Variants in BCAS4 observed in about 807,000 individuals in gnomAD.
BCAS4 encodes breast carcinoma amplified sequence 4.
A neutral mutation model predicts 15.7 loss-of-function variants in BCAS4; 9 were observed. The observed-to-expected ratio is 0.57, with a 90% CI of 0.34 to 1.00. The LOEUF (loss-of-function observed/expected upper bound fraction) is 1.00, where lower values mean the gene tolerates loss of function less well. BCAS4 is among the 50% of genes least tolerant of loss of function. BCAS4 has a pLI of 0.02. For synonymous variants in BCAS4, 101 were observed against 99.5 expected (o/e 1.02, Z -0.09); for missense variants, 225 against 239.1 (o/e 0.94, Z 0.39).
intron 4 of BCAS4, among the ~76,000 whole-genome samples, chr20:50,856,991 T>C (rs998613089): frequency 4.6e-5 from 7 of 152,260 alleles, no homozygotes; most frequent in Non-Finnish European, 8.8e-5. Flanking sequence ...ATTTTGAAAC[T>C]GAATGCATTT....
At chr20:50,800,282 G>A (rs2087911779) in intron 1 of BCAS4, among the ~76,000 whole-genome samples, 2 of 152,024 alleles carry the variant, frequency 1.3e-5, no homozygotes, top group Admixed American at 1.3e-4. Context: ...AATATCCCAG[G>A]CAGAGAGAAC....
intron 4 of BCAS4, among the ~76,000 whole-genome samples, chr20:50,850,626 G>T (rs1479658651): frequency 6.6e-6 from 1 of 152,166 alleles, no homozygotes; most frequent in African/African-American, 2.4e-5. Context: ...ATTTGGGGGG[G>T]TTGCTCTTTG....
intron 3 of BCAS4, among the ~76,000 whole-genome samples, chr20:50,837,457 G>T (rs549477901): frequency 6.6e-6 from 1 of 152,262 alleles, no homozygotes; most frequent in South Asian, 2.1e-4. Context: ...CTCAGTACTT[G>T]CCAATATATT....
intron 4 of BCAS4, among the ~76,000 whole-genome samples, chr20:50,852,672 G>A (rs187793569): frequency 2.6e-5 from 4 of 152,292 alleles, no homozygotes; most frequent in South Asian, 4.1e-4. Context: ...GTGAACCACT[G>A]CACCCGGCCG....
At chr20:50,852,366 TTGTG>T (rs34560943) in intron 4 of BCAS4, among the ~76,000 whole-genome samples, 2 of 150,114 alleles carry the variant, frequency 1.3e-5, no homozygotes, top group African/African-American at 2.5e-5. Flanking sequence ...TTTTGTGGCT[TTGTG>T]TGTGTGTGTG....
At chr20:50,834,993 C>T (rs965095993) in intron 3 of BCAS4, among the ~76,000 whole-genome samples, 3 of 152,128 alleles carry the variant, frequency 2.0e-5, no homozygotes, top group Non-Finnish European at 4.4e-5. Flanking sequence ...TTACGGCTGT[C>T]GTAAACAATG....
chr20:50,855,499 TC>T (rs1204519112), intron 4 of BCAS4, among the ~76,000 whole-genome samples: 3 of 151,832 alleles, frequency 2.0e-5, no homozygotes, highest in African/African-American at 4.8e-5. Flanking sequence ...AATCCTCGCA[TC>T]CCCCTTCGTG....
At chr20:50,852,967 G>A (rs933741414) in intron 4 of BCAS4, among the ~76,000 whole-genome samples, 1 of 152,108 alleles carries the variant, frequency 6.6e-6, no homozygotes, top group Non-Finnish European at 1.5e-5. Context: ...GCTGGTCTGG[G>A]TTCACTTTGC....
chr20:50,869,322 G>C (rs2122674191), intron 4 of BCAS4, among the ~76,000 whole-genome samples: 1 of 152,312 alleles, frequency 6.6e-6, no homozygotes, highest in South Asian at 2.1e-4. Context: ...TGAGGCTTCA[G>C]GCTCAGAGGG....
intron 4 of BCAS4, among the ~76,000 whole-genome samples, chr20:50,864,756 C>T (rs111824205): frequency 1.3e-5 from 2 of 152,214 alleles, no homozygotes; most frequent in Non-Finnish European, 2.9e-5. Flanking sequence ...GTTATTCCCC[C>T]GGCACTTTGC....
At chr20:50,837,962 C>G (rs2088429989) in intron 3 of BCAS4, among the ~76,000 whole-genome samples, 1 of 151,040 alleles carries the variant, frequency 6.6e-6, no homozygotes, top group Non-Finnish European at 1.5e-5. Context: ...TCCCACCCAC[C>G]CACCTCTACA....
chr20:50,864,310 C>T (rs1484918141), intron 4 of BCAS4, among the ~76,000 whole-genome samples: 3 of 152,164 alleles, frequency 2.0e-5, no homozygotes, highest in Non-Finnish European at 4.4e-5. Flanking sequence ...TTCCTAAACC[C>T]CACTGAGTCT....
intron 1 of BCAS4, among the ~76,000 whole-genome samples, chr20:50,813,428 A>G (rs1043443133): frequency 1.3e-5 from 2 of 152,222 alleles, no homozygotes; most frequent in Admixed American, 6.5e-5. Flanking sequence ...CGAGCAGGCT[A>G]CTGCAAGAGT....
At chr20:50,839,601 C>T (rs1397489509) in intron 3 of BCAS4, among the ~76,000 whole-genome samples, 3 of 152,200 alleles carry the variant, frequency 2.0e-5, no homozygotes, top group Non-Finnish European at 4.4e-5. Flanking sequence ...CTCCCGGGTT[C>T]AAGTAATTCT....
intron 4 of BCAS4, among the ~76,000 whole-genome samples, chr20:50,873,792 G>A (rs1979777021): frequency 1.3e-5 from 2 of 152,196 alleles, no homozygotes; most frequent in African/African-American, 4.8e-5. Flanking sequence ...GCCAAGAGTG[G>A]CTGACTGAGG....
chr20:50,828,038 T>A (rs1229354400), intron 2 of BCAS4, among the ~76,000 whole-genome samples: 2 of 151,912 alleles, frequency 1.3e-5, no homozygotes, highest in African/African-American at 4.8e-5. Flanking sequence ...TTCAAAAATT[T>A]TTTTTTTTTT....
intron 1 of BCAS4, among the ~76,000 whole-genome samples, chr20:50,798,307 A>G (rs2087890381): frequency 6.6e-6 from 1 of 152,036 alleles, no homozygotes; most frequent in African/African-American, 2.4e-5. Context: ...AAACAAACAA[A>G]CAAACAAAAA....
intron 2 of BCAS4, among the ~76,000 whole-genome samples, chr20:50,819,082 C>T (rs1310668240): frequency 2.0e-5 from 3 of 152,014 alleles, no homozygotes; most frequent in African/African-American, 7.3e-5. Flanking sequence ...ACTCAGGAGG[C>T]TGAGGCAGGA....
intron 4 of BCAS4, among the ~76,000 whole-genome samples, chr20:50,845,635 C>A (rs1473720299): frequency 6.6e-6 from 1 of 152,216 alleles, no homozygotes; most frequent in Non-Finnish European, 1.5e-5. Context: ...GTGTTTGAGG[C>A]CTCCCCCGAC....
Sources: allele counts gnomAD v4.1 joint callset (sites outside exome capture counted in the v4.1 genomes callset), GRCh38; gene constraint gnomAD v4.1.1; transcripts MANE v1.5; gene names NCBI Gene and HGNC (gene_info 2026-07-23, HGNC 2026-07-21).